FARP1: variants seen among roughly 807,000 people sequenced by gnomAD.
The protein encoded by FARP1 is FERM, ARHGEF and pleckstrin domain-containing protein 1.
FARP1 carries 52 observed loss-of-function variants against 128.8 expected under a neutral mutation model. The observed-to-expected ratio is 0.40, with a 90% CI of 0.32 to 0.51. The LOEUF is 0.51. Ranked by LOEUF, FARP1 falls within the 20% of genes least tolerant of loss-of-function variation. The probability of loss-of-function intolerance (pLI) is 0.45; values close to 1 mark genes in which losing one functional copy is unlikely to be tolerated. For missense variants in FARP1, 1,333 were observed against 1,367.9 expected (o/e 0.97, Z 0.40); for synonymous variants, 580 against 551.8 (o/e 1.05, Z -0.72).
At chr13:98,245,983 C>A (rs1883029830) in intron 2 of FARP1, among the ~76,000 whole-genome samples, 1 of 151,442 alleles carries the variant, frequency 6.6e-6, no homozygotes, top group South Asian at 2.1e-4. Flanking sequence ...CACCGTGTTG[C>A]CCAGGCTGGT....
intron 1 of FARP1, among the ~76,000 whole-genome samples, chr13:98,175,226 G>C (rs1877919987): frequency 1.3e-5 from 2 of 152,190 alleles, no homozygotes; most frequent in South Asian, 2.1e-4. Context: ...TACATAATCT[G>C]TGTCAGTTCC....
intron 1 of FARP1, among the ~76,000 whole-genome samples, chr13:98,211,951 A>T (rs957861783): frequency 2.6e-5 from 4 of 152,240 alleles, no homozygotes; most frequent in Admixed American, 2.6e-4. Flanking sequence ...AGGGCATCAC[A>T]GTGCCTTCTC....
chr13:98,260,567 C>T (rs1365602060), intron 2 of FARP1, among the ~76,000 whole-genome samples: 1 of 152,198 alleles, frequency 6.6e-6, no homozygotes, highest in Non-Finnish European at 1.5e-5. Flanking sequence ...GAAAGCAAAA[C>T]AATGGGGACA....
At chr13:98,369,698 T>C (rs1889248422) in intron 5 of FARP1, among the ~76,000 whole-genome samples, 1 of 152,036 alleles carries the variant, frequency 6.6e-6, no homozygotes, top group Non-Finnish European at 1.5e-5. Context: ...CATGAACTCA[T>C]CATTTTTTAT....
At chr13:98,277,880 G>A (rs1317316057) in intron 2 of FARP1, among the ~76,000 whole-genome samples, 1 of 152,194 alleles carries the variant, frequency 6.6e-6, no homozygotes, top group African/African-American at 2.4e-5. Flanking sequence ...CGGGGGCCTA[G>A]GCATTGTTAT....
intron 2 of FARP1, among the ~76,000 whole-genome samples, chr13:98,293,699 CAAAT>C (rs2139673352): frequency 6.6e-6 from 1 of 152,246 alleles, no homozygotes; most frequent in South Asian, 2.1e-4. Context: ...ATTGTACTGA[CAAAT>C]AGGAATAGGA....
At chr13:98,291,056 G>A (rs1311655096) in intron 2 of FARP1, among the ~76,000 whole-genome samples, 2 of 152,094 alleles carry the variant, frequency 1.3e-5, no homozygotes, top group African/African-American at 4.8e-5. Flanking sequence ...AGGTTGGGGT[G>A]CCCAACCTGT....
intron 2 of FARP1, among the ~76,000 whole-genome samples, chr13:98,269,717 C>T (rs1258074387): frequency 3.3e-5 from 5 of 152,198 alleles, no homozygotes; most frequent in African/African-American, 9.6e-5. Flanking sequence ...TAATTTGTTA[C>T]TATTTTTCTT....
chr13:98,443,138 G>A (rs1032654872), intron 24 of FARP1, among the ~76,000 whole-genome samples: 1 of 152,222 alleles, frequency 6.6e-6, no homozygotes, highest in African/African-American at 2.4e-5. Flanking sequence ...ACCAAGAATG[G>A]GTTTCACTTT....
intron 2 of FARP1, among the ~76,000 whole-genome samples, chr13:98,323,311 T>C (rs2043375817): frequency 6.6e-6 from 1 of 152,046 alleles, no homozygotes; most frequent in Admixed American, 6.6e-5. Flanking sequence ...TGTGCCCAGG[T>C]AGTGGAATCA....
At chr13:98,201,785 A>G (rs990080761) in intron 1 of FARP1, among the ~76,000 whole-genome samples, 2 of 152,228 alleles carry the variant, frequency 1.3e-5, no homozygotes, top group African/African-American at 4.8e-5. Flanking sequence ...GTTAAAAAAT[A>G]TGGTTGCCAA....
chr13:98,264,405 A>G (rs1221021130), intron 2 of FARP1, among the ~76,000 whole-genome samples: 20 of 152,166 alleles, frequency 1.3e-4, no homozygotes, highest in Admixed American at 1.2e-3. Flanking sequence ...AGGGACATGA[A>G]TCCTCCTTTT....
intron 1 of FARP1, among the ~76,000 whole-genome samples, chr13:98,168,406 G>A (rs1257593673): frequency 6.6e-6 from 1 of 152,084 alleles, no homozygotes; most frequent in Non-Finnish European, 1.5e-5. Flanking sequence ...ACTCTCACCT[G>A]TTGTCTAAAT....
intron 3 of FARP1, among the ~76,000 whole-genome samples, chr13:98,344,895 G>A (rs181675404): frequency 6.6e-6 from 1 of 152,226 alleles, no homozygotes; most frequent in East Asian, 1.9e-4. Flanking sequence ...TTACAGTGTG[G>A]CATATGACCA....
At chr13:98,417,416 A>G (rs1295751605) in intron 16 of FARP1, among the ~76,000 whole-genome samples, 2 of 149,530 alleles carry the variant, frequency 1.3e-5, no homozygotes, top group Non-Finnish European at 3.0e-5. Context: ...TCATGGCAGC[A>G]TAAAAACCAG....
In FARP1 at chr13:98,440,218, G is replaced by A; in HGVS notation, c.2612G>A (p.Ser871Asn). Residue 871 changes from serine (S) to asparagine (N), a missense_variant, in exon 23 of 27, where the codon AGC becomes AAC. By Grantham distance (46) the Ser-to-Asn change is conservative (BLOSUM62 1). This residue lies in a region of FARP1 where 1,009 missense variants were observed against 969.8 expected (regional missense o/e 1.04). Coordinates refer to ENST00000319562, the MANE Select transcript of FARP1 (RefSeq NM_005766.4). ...AGCCCCGCCCCTGAGTTCCTGGCCAGCAGCCCCCCTGACAACAGTGAGTGT... is the reference window on the plus strand; with the variant it reads ...AGCCCCGCCCCTGAGTTCCTGGCCAACAGCCCCCCTGACAACAGTGAGTGT... ...SSSPAPEFLA[S>N]SPPDNKSPDE... The A allele has an allele frequency of 6.2e-7, 1 of 1,613,538 alleles. No individual in the cohort carries two copies. The highest frequency in any genetic ancestry group is 8.5e-7 in the Non-Finnish European group (1 of 1,179,520).
intron 1 of FARP1, among the ~76,000 whole-genome samples, chr13:98,195,495 TGTGCCCTGG>T (rs1879515361): frequency 6.6e-6 from 1 of 152,200 alleles, no homozygotes; most frequent in South Asian, 2.1e-4. Flanking sequence ...TGAGTTTGCA[TGTGCCCTGG>T]GTGTGTTTAG....
intron 2 of FARP1, among the ~76,000 whole-genome samples, chr13:98,218,406 T>A (rs1277959968): frequency 1.3e-5 from 2 of 152,212 alleles, no homozygotes; most frequent in African/African-American, 4.8e-5. Context: ...CACTGGGGCC[T>A]GATGATGTTA....
chr13:98,168,643 C>A (rs1338703590), intron 1 of FARP1, among the ~76,000 whole-genome samples: 1 of 152,210 alleles, frequency 6.6e-6, no homozygotes, highest in Admixed American at 6.5e-5. Flanking sequence ...CCCTGATGAT[C>A]CCCTTTGCTT....
Sources: gnomAD v4.1 joint callset for allele counts (sites outside exome capture counted in the v4.1 genomes callset) on GRCh38, gnomAD v4.1.1 for gene constraint, gnomAD v4.1.1 regional missense constraint, MANE v1.5 for transcripts, NCBI Gene and HGNC (gene_info 2026-07-23, HGNC 2026-07-21) for gene names.